The following GALNTL6 variants were observed in gnomAD, a reference collection of about 807,000 sequenced individuals.
The protein encoded by GALNTL6 is polypeptide N-acetylgalactosaminyltransferase like 6.
A neutral mutation model predicts 73.7 loss-of-function variants in GALNTL6; 46 were observed. The ratio of observed to expected loss-of-function variants is 0.62; its 90% CI spans 0.49 to 0.80. GALNTL6 has a LOEUF of 0.80. Among genes scored for constraint, GALNTL6 ranks in the 30% least tolerant of loss-of-function variants. GALNTL6 has a pLI of 0.00. For synonymous variants in GALNTL6, 259 were observed against 263.7 expected (o/e 0.98, Z 0.17); for missense variants, 604 against 755.0 (o/e 0.80, Z 2.34).
chr4:172,101,359 C>T (rs1579139636), intron 2 of GALNTL6, among the ~76,000 whole-genome samples: 2 of 152,178 alleles, frequency 1.3e-5, no homozygotes, highest in Non-Finnish European at 2.9e-5. Flanking sequence ...AGCAAACACT[C>T]ATTGGGGAGC....
intron 2 of GALNTL6, among the ~76,000 whole-genome samples, chr4:172,211,192 T>A (rs1436988207): frequency 6.6e-6 from 1 of 152,208 alleles, no homozygotes; most frequent in African/African-American, 2.4e-5. Context: ...TTCAGTCATA[T>A]AATCAACCAT....
At chr4:172,171,463 T>A (rs921612096) in intron 2 of GALNTL6, among the ~76,000 whole-genome samples, 1 of 152,130 alleles carries the variant, frequency 6.6e-6, no homozygotes, top group Non-Finnish European at 1.5e-5. Flanking sequence ...TCTTAATGAC[T>A]TGAAGAACAT....
At chr4:172,896,104 A>T (rs1397565139) in intron 8 of GALNTL6, among the ~76,000 whole-genome samples, 8 of 152,068 alleles carry the variant, frequency 5.3e-5, no homozygotes, top group Non-Finnish European at 1.2e-4. Flanking sequence ...CATCTCCCTC[A>T]TTTTAGGGTT....
intron 2 of GALNTL6, among the ~76,000 whole-genome samples, chr4:171,880,930 C>T (rs1736429367): frequency 6.6e-6 from 1 of 152,032 alleles, no homozygotes; most frequent in East Asian, 1.9e-4. Context: ...GTACTAAGCT[C>T]GAAACTAAGG....
At chr4:172,405,590 G>T (rs1561068509) in intron 5 of GALNTL6, among the ~76,000 whole-genome samples, 3 of 151,186 alleles carry the variant, frequency 2.0e-5, no homozygotes. Context: ...TTATTCTAAT[G>T]AAGTGGAAAT....
At chr4:172,971,274 G>C (rs1750568113) in intron 10 of GALNTL6, among the ~76,000 whole-genome samples, 1 of 152,184 alleles carries the variant, frequency 6.6e-6, no homozygotes, top group African/African-American at 2.4e-5. Context: ...TATAGTCTGT[G>C]ATATTCTGTT....
At chr4:172,388,619 T>C (rs1195937993) in intron 5 of GALNTL6, among the ~76,000 whole-genome samples, 1 of 152,100 alleles carries the variant, frequency 6.6e-6, no homozygotes, top group Non-Finnish European at 1.5e-5. Context: ...TTTATCTGCT[T>C]CAACTAAATT....
intron 2 of GALNTL6, among the ~76,000 whole-genome samples, chr4:171,886,528 C>G (rs1289609166): frequency 1.3e-5 from 2 of 151,992 alleles, no homozygotes; most frequent in Non-Finnish European, 2.9e-5. Context: ...TGTATTAGTC[C>G]ATTTTCACAC....
intron 8 of GALNTL6, among the ~76,000 whole-genome samples, chr4:172,917,577 A>C (rs1320203578): frequency 6.6e-6 from 1 of 152,214 alleles, no homozygotes; most frequent in African/African-American, 2.4e-5. Context: ...CCCCATCAAA[A>C]AGTGGGCGAA....
At chr4:172,117,637 T>C (rs1049767602) in intron 2 of GALNTL6, among the ~76,000 whole-genome samples, 7 of 152,168 alleles carry the variant, frequency 4.6e-5, no homozygotes, top group South Asian at 4.1e-4. Flanking sequence ...TCAAAAATTT[T>C]ATTCTGAAAT....
chr4:173,029,326 A>T (rs1579802629), intron 12 of GALNTL6, among the ~76,000 whole-genome samples: 1 of 152,310 alleles, frequency 6.6e-6, no homozygotes, highest in Middle Eastern at 3.4e-3. Context: ...TTTACTCAAG[A>T]CAGATCCCAA....
intron 4 of GALNTL6, among the ~76,000 whole-genome samples, chr4:172,317,486 T>C (rs894570178): frequency 1.3e-5 from 2 of 152,238 alleles, no homozygotes; most frequent in East Asian, 3.8e-4. Flanking sequence ...TTTTTTATTT[T>C]CCAGTTATAT....
intron 3 of GALNTL6, among the ~76,000 whole-genome samples, chr4:172,265,321 A>C (rs1738414255): frequency 6.6e-6 from 1 of 152,088 alleles, no homozygotes; most frequent in Non-Finnish European, 1.5e-5. Flanking sequence ...TTGCTTATTG[A>C]GTCAATAACT....
At chr4:172,658,105 C>A (rs376756954) in intron 5 of GALNTL6, among the ~76,000 whole-genome samples, 1 of 87,746 alleles carries the variant, frequency 1.1e-5, no homozygotes. Flanking sequence ...AGCCGAGATC[C>A]CGCCACTGCA....
chr4:172,919,864 T>C (rs377752189), intron 8 of GALNTL6, among the ~76,000 whole-genome samples: 4 of 152,190 alleles, frequency 2.6e-5, no homozygotes, highest in African/African-American at 7.2e-5. Context: ...ACTTAAAGTT[T>C]TGAATAAACA....
At chr4:172,745,896 T>G (rs965230257) in intron 5 of GALNTL6, among the ~76,000 whole-genome samples, 9 of 152,092 alleles carry the variant, frequency 5.9e-5, no homozygotes, top group Admixed American at 2.6e-4. Context: ...ACAGTCAATG[T>G]GAGCTATGGA....
intron 5 of GALNTL6, among the ~76,000 whole-genome samples, chr4:172,424,613 CT>C (rs1453150602): frequency 6.6e-6 from 1 of 152,134 alleles, no homozygotes; most frequent in Non-Finnish European, 1.5e-5. Flanking sequence ...AGATGAGCGG[CT>C]GCTCCATGCA....
chr4:172,726,261 C>T (rs11132960), intron 5 of GALNTL6, among the ~76,000 whole-genome samples: 55,741 of 152,086 alleles, frequency 0.37, 11,434 homozygotes, highest in African/African-American at 0.55. Flanking sequence ...AGGTAAGGAT[C>T]AAAGGCCAGG....
chr4:172,909,644 T>C (rs1747094456), intron 8 of GALNTL6, among the ~76,000 whole-genome samples: 1 of 152,140 alleles, frequency 6.6e-6, no homozygotes, highest in African/African-American at 2.4e-5. Context: ...TGTGTTGTTT[T>C]AGAGAAATAG....
Sources: gnomAD v4.1 joint callset for allele counts (sites outside exome capture counted in the v4.1 genomes callset) on GRCh38, gnomAD v4.1.1 for gene constraint, MANE v1.5 for transcripts, NCBI Gene and HGNC (gene_info 2026-07-23, HGNC 2026-07-21) for gene names.